ZNF385D: variants seen among roughly 807,000 people sequenced by gnomAD.
The protein encoded by ZNF385D is zinc finger protein 659.
ZNF385D carries 15 observed loss-of-function variants against 35.8 expected under a neutral mutation model. The observed-to-expected ratio is 0.42, with a 90% CI of 0.28 to 0.64. ZNF385D has a LOEUF of 0.64. Among genes scored for constraint, ZNF385D ranks in the 30% least tolerant of loss-of-function variants. ZNF385D has a pLI of 0.23. For missense variants in ZNF385D, 474 were observed against 494.6 expected (o/e 0.96, Z 0.39); for synonymous variants, 212 against 186.8 (o/e 1.13, Z -1.10).
In ZNF385D at chr3:21,679,239, A is replaced by G. The variant is rs183963189; in HGVS notation, c.23-14211T>C. On this transcript the variant is annotated intron_variant, in intron 1 of 7. Coordinates refer to ENST00000281523, the MANE Select transcript of ZNF385D (RefSeq NM_024697.3). ...GCTTACAGGGAGAAATAATAGAGTAAATACTAAACTATAGTAACTATTCTT... is the reference window on the plus strand; with the variant it reads ...GCTTACAGGGAGAAATAATAGAGTAGATACTAAACTATAGTAACTATTCTT... 3.4e-3 allele frequency among the ~76,000 whole-genome samples: 515 copies of G among 152,262 alleles called. 4 individuals are homozygous for G. Among genetic ancestry groups the G allele is most frequent in the African/African-American group, 0.012 (485 of 41,564 alleles).
chr3:21,469,856 G>A (rs1172669920), intron 4 of ZNF385D, among the ~76,000 whole-genome samples: 1 of 152,014 alleles, frequency 6.6e-6, no homozygotes, highest in Non-Finnish European at 1.5e-5. Context: ...TTGTTTTGTG[G>A]TCTAGACATT....
intron 2 of ZNF385D, among the ~76,000 whole-genome samples, chr3:21,582,704 T>G (rs1462013471): frequency 6.6e-6 from 1 of 152,188 alleles, no homozygotes; most frequent in Non-Finnish European, 1.5e-5. Flanking sequence ...ACCACAGAAT[T>G]TCTCTTAACC....
intron 3 of ZNF385D, among the ~76,000 whole-genome samples, chr3:21,917,745 G>C (rs1700258565): frequency 6.6e-6 from 1 of 152,110 alleles, no homozygotes; most frequent in African/African-American, 2.4e-5. Context: ...CATTCATTCA[G>C]TATCTTTACA....
chr3:21,918,472 T>C (rs1351485541), intron 3 of ZNF385D, among the ~76,000 whole-genome samples: 4 of 152,210 alleles, frequency 2.6e-5, no homozygotes, highest in African/African-American at 9.6e-5. Context: ...TCTTTCTTGA[T>C]ACTTCAGATA....
chr3:22,188,194 G>A (rs1559438878), intron 2 of ZNF385D, among the ~76,000 whole-genome samples: 1 of 152,144 alleles, frequency 6.6e-6, no homozygotes. Context: ...TGTGGACAAA[G>A]ACAAAGCATT....
At chr3:21,802,115 A>C (rs1309081106) in intron 3 of ZNF385D, among the ~76,000 whole-genome samples, 2 of 152,198 alleles carry the variant, frequency 1.3e-5, no homozygotes, top group Admixed American at 6.5e-5. Context: ...ATACATTTCC[A>C]TAAAGATGGA....
At chr3:22,207,941 G>A (rs1370637924) in intron 2 of ZNF385D, among the ~76,000 whole-genome samples, 5 of 151,834 alleles carry the variant, frequency 3.3e-5, no homozygotes. Context: ...AAATACTAGG[G>A]AGGATTGGAG....
At chr3:21,717,438 T>C (rs1406359097) in intron 1 of ZNF385D, among the ~76,000 whole-genome samples, 1 of 152,214 alleles carries the variant, frequency 6.6e-6, no homozygotes, top group African/African-American at 2.4e-5. Context: ...TCTGAGGTCC[T>C]TGATACAGAG....
chr3:21,491,927 G>A (rs1397057640), intron 4 of ZNF385D, among the ~76,000 whole-genome samples: 3 of 151,884 alleles, frequency 2.0e-5, no homozygotes, highest in African/African-American at 4.8e-5. Flanking sequence ...CACACTAAAG[G>A]TAAAGCTACA....
chr3:21,580,944 AAGGTGGATATTTTCTTGAAATATTCTAC>A (rs1229427371), intron 2 of ZNF385D, among the ~76,000 whole-genome samples: 2 of 152,054 alleles, frequency 1.3e-5, no homozygotes, highest in Non-Finnish European at 2.9e-5. Flanking sequence ...TGTTTTGGCT[AAGGTGGATATTTTCTTGAAATATTCTAC>A]TTCTCCTGGC....
chr3:21,537,704 G>T (rs2062069990), intron 3 of ZNF385D, among the ~76,000 whole-genome samples: 1 of 152,114 alleles, frequency 6.6e-6, no homozygotes, highest in East Asian at 1.9e-4. Flanking sequence ...GGCCGAAAAG[G>T]AGTGAGTGAG....
intron 3 of ZNF385D, among the ~76,000 whole-genome samples, chr3:21,879,828 A>G (rs988707856): frequency 2.0e-5 from 3 of 151,970 alleles, no homozygotes; most frequent in African/African-American, 4.8e-5. Flanking sequence ...CATCCCTTTA[A>G]TATTACAATG....
At chr3:21,574,573 T>G (rs1274186541) in intron 2 of ZNF385D, among the ~76,000 whole-genome samples, 6 of 152,282 alleles carry the variant, frequency 3.9e-5, no homozygotes, top group Non-Finnish European at 8.8e-5. Flanking sequence ...CATTGTGGCA[T>G]GATTGTGTGC....
intron 3 of ZNF385D, among the ~76,000 whole-genome samples, chr3:21,552,028 A>G (rs753627979): frequency 2.0e-5 from 3 of 152,186 alleles, no homozygotes; most frequent in Non-Finnish European, 4.4e-5. Flanking sequence ...AAATGTAAAA[A>G]GGTTCATAAG....
At chr3:22,146,911 G>A (rs780438524) in intron 3 of ZNF385D, among the ~76,000 whole-genome samples, 8 of 152,010 alleles carry the variant, frequency 5.3e-5, no homozygotes, top group Admixed American at 1.3e-4. Context: ...GTTTTGTCTC[G>A]TTTTTACATG....
intron 2 of ZNF385D, among the ~76,000 whole-genome samples, chr3:22,232,883 C>T (rs929805359): frequency 1.3e-4 from 20 of 152,168 alleles, no homozygotes; most frequent in Non-Finnish European, 2.5e-4. Context: ...TGTTTACATC[C>T]TGAAGATTTC....
intron 2 of ZNF385D, among the ~76,000 whole-genome samples, chr3:22,367,914 G>A (rs982374914): frequency 2.0e-5 from 3 of 152,116 alleles, no homozygotes; most frequent in Admixed American, 6.6e-5. Flanking sequence ...GCATAATAAC[G>A]CATTTTATTC....
chr3:21,754,644 T>C (rs1323417527), upstream of ZNF385D, among the ~76,000 whole-genome samples: 1 of 152,078 alleles, frequency 6.6e-6, no homozygotes, highest in Admixed American at 6.6e-5. Context: ...AATGCCTTTG[T>C]CCCTCCCCTG....
chr3:22,031,084 C>A (rs569780670), intron 3 of ZNF385D, among the ~76,000 whole-genome samples: 5 of 152,230 alleles, frequency 3.3e-5, no homozygotes, highest in African/African-American at 1.2e-4. Context: ...GCTTTAGCAG[C>A]TCTGCCCCTG....
Sources: allele counts gnomAD v4.1 joint callset (sites outside exome capture counted in the v4.1 genomes callset), GRCh38; gene constraint gnomAD v4.1.1; transcripts MANE v1.5; gene names NCBI Gene and HGNC (gene_info 2026-07-23, HGNC 2026-07-21).